Variants in STPG2 observed in about 807,000 individuals in gnomAD.
STPG2 encodes the protein sperm tail PG-rich repeat containing 2, also known as sperm-tail PG-rich repeat-containing protein 2.
STPG2 carries 56 observed loss-of-function variants against 54.2 expected under a neutral mutation model. The ratio of observed to expected loss-of-function variants is 1.03; its 90% CI spans 0.83 to 1.29. The LOEUF is 1.29. STPG2 is among the 50% of genes most tolerant of loss of function. The probability of loss-of-function intolerance (pLI) is 0.00; values close to 1 mark genes in which losing one functional copy is unlikely to be tolerated. For synonymous variants in STPG2, 200 were observed against 181.8 expected (o/e 1.10, Z -0.81); for missense variants, 596 against 544.9 (o/e 1.09, Z -0.93).
chr4:97,945,393 T>A (rs1359369771), intron 7 of STPG2, among the ~76,000 whole-genome samples: 2 of 152,190 alleles, frequency 1.3e-5, no homozygotes, highest in African/African-American at 4.8e-5. Context: ...TATTATGTTA[T>A]TCTTTTTTAT....
chr4:97,543,981 G>A (rs919541887), intron 4 of STPG2, among the ~76,000 whole-genome samples: 2 of 152,002 alleles, frequency 1.3e-5, no homozygotes, highest in Non-Finnish European at 2.9e-5. Context: ...CAAAAGGTAC[G>A]AATATTGAAA....
intron 9 of STPG2, among the ~76,000 whole-genome samples, chr4:97,721,860 C>A (rs1247373224): frequency 6.6e-6 from 1 of 151,914 alleles, no homozygotes; most frequent in Admixed American, 6.6e-5. Flanking sequence ...TTTAAACAAC[C>A]AATATCAAAA....
At chr4:97,483,137 CA>C (rs1730267071) in intron 4 of STPG2, among the ~76,000 whole-genome samples, 1 of 151,428 alleles carries the variant, frequency 6.6e-6, no homozygotes, top group African/African-American at 2.4e-5. Flanking sequence ...ACCTATAAAG[CA>C]AAAATACAAT....
At chr4:97,775,595 C>T (rs1726351816) in intron 9 of STPG2, among the ~76,000 whole-genome samples, 1 of 152,126 alleles carries the variant, frequency 6.6e-6, no homozygotes, top group Non-Finnish European at 1.5e-5. Context: ...GCAATGAAAG[C>T]ACAATGTGTC....
chr4:97,640,957 C>A (rs1014883379), intron 10 of STPG2, among the ~76,000 whole-genome samples: 6 of 151,334 alleles, frequency 4.0e-5, no homozygotes, highest in Non-Finnish European at 7.4e-5. Context: ...TTATGAGGAA[C>A]AAAAGAATAC....
At chr4:97,742,592 G>T (rs1725294683) in intron 9 of STPG2, among the ~76,000 whole-genome samples, 1 of 145,908 alleles carries the variant, frequency 6.9e-6, no homozygotes, top group Non-Finnish European at 1.5e-5. Context: ...ATACTATCAG[G>T]TCTTTAAAAA....
intron 9 of STPG2, among the ~76,000 whole-genome samples, chr4:97,768,278 T>C (rs1726120745): frequency 6.6e-6 from 1 of 152,118 alleles, no homozygotes; most frequent in Non-Finnish European, 1.5e-5. Context: ...TGGGTGGATA[T>C]TGTTAACTTA....
intron 5 of STPG2, among the ~76,000 whole-genome samples, chr4:98,051,299 T>A (rs783928): frequency 0.83 from 126,096 of 152,168 alleles, 52,484 homozygotes; most frequent in Middle Eastern, 0.94. Context: ...ATTTGCAAAA[T>A]TTTTTTCTAG....
intron 9 of STPG2, among the ~76,000 whole-genome samples, chr4:97,716,679 T>TCACA (rs1724298059): frequency 7.4e-6 from 1 of 134,476 alleles, no homozygotes; most frequent in African/African-American, 2.8e-5. Context: ...GAGGGGAACA[T>TCACA]CACACACTGG....
chr4:97,838,789 A>G (rs1353050040), intron 9 of STPG2, among the ~76,000 whole-genome samples: 1 of 151,598 alleles, frequency 6.6e-6, no homozygotes, highest in Non-Finnish European at 1.5e-5. Flanking sequence ...TTACTACAAT[A>G]TCTACATGTC....
At position 97,909,010 on chromosome 4, in the gene STPG2, T is replaced by TATAATAATA. The variant is rs56703020; in HGVS notation, c.1044+34878_1044+34886dup. 4.4e-3 allele frequency among the ~76,000 whole-genome samples: 625 copies of TATAATAATA among 143,192 alleles called. 2 individuals are homozygous for TATAATAATA. Among genetic ancestry groups the TATAATAATA allele is most frequent in the East Asian group, 0.016 (78 of 4,836 alleles). The allele number at this position is 143,192 out of a possible 152,430, so 93.9% of individuals were successfully genotyped here. On this transcript the variant is annotated intron_variant, in intron 8 of 10. Coordinates refer to ENST00000295268, the MANE Select transcript of STPG2 (RefSeq NM_174952.3). ...TGCACATGTACCCTAAAACTTAAAG[T>TATAATAATA]ATAATAATAATAATAATAATAATAA...
At chr4:97,852,774 C>A (rs1444706485) in intron 8 of STPG2, among the ~76,000 whole-genome samples, 1 of 151,852 alleles carries the variant, frequency 6.6e-6, no homozygotes, top group Non-Finnish European at 1.5e-5. Context: ...AGGTATGGAA[C>A]AAGAAGAAAG....
At chr4:97,457,579 T>C in intron 4 of STPG2, among the ~76,000 whole-genome samples, 1 of 152,340 alleles carries the variant, frequency 6.6e-6, no homozygotes. Flanking sequence ...ACTTCTGGTG[T>C]TGTGCTGCCC....
chr4:97,688,162 C>A (rs181501525), intron 10 of STPG2, among the ~76,000 whole-genome samples: 20 of 151,834 alleles, frequency 1.3e-4, no homozygotes, highest in African/African-American at 4.8e-4. Flanking sequence ...TGAAAATCTG[C>A]TTTTTTTAAT....
chr4:97,970,238 G>T (rs1336204323), intron 7 of STPG2, among the ~76,000 whole-genome samples: 1 of 152,124 alleles, frequency 6.6e-6, no homozygotes, highest in Non-Finnish European at 1.5e-5. Context: ...ACTGACCAAG[G>T]TAATTTATAG....
intron 10 of STPG2, among the ~76,000 whole-genome samples, chr4:97,603,731 C>A (rs949564522): frequency 6.6e-6 from 1 of 151,512 alleles, no homozygotes; most frequent in Non-Finnish European, 1.5e-5. Context: ...ATAAGTCAGT[C>A]ACAAAAAGGC....
chr4:97,915,846 A>G (rs1731853742), intron 8 of STPG2, among the ~76,000 whole-genome samples: 1 of 152,164 alleles, frequency 6.6e-6, no homozygotes, highest in Non-Finnish European at 1.5e-5. Context: ...GAGATGGGAC[A>G]TAGTCAGAGC....
In STPG2 at chr4:97,639,531, G is replaced by A. The variant is rs187363302; in HGVS notation, c.1320+73168C>T. Among the ~76,000 whole-genome samples the A allele has an allele frequency of 1.7e-3, 256 of 150,802 alleles. 3 individuals carry two copies. The highest frequency in any genetic ancestry group is 0.016 in the Admixed American group (246 of 15,142). ...AATTAAAAAAAAAAAACTGATTCACGTAAGAACTTCAAAAGTCTTAAGACA... is the reference window on the plus strand; with the variant it reads ...AATTAAAAAAAAAAAACTGATTCACATAAGAACTTCAAAAGTCTTAAGACA... On this transcript the variant is annotated intron_variant, in intron 10 of 10. Transcript: ENST00000295268.
At chr4:97,977,696 G>A (rs1578750269) in intron 6 of STPG2, among the ~76,000 whole-genome samples, 3 of 152,096 alleles carry the variant, frequency 2.0e-5, no homozygotes, top group South Asian at 4.2e-4. Context: ...AAAGCACCAG[G>A]GCTAGTCAAG....
Sources: allele counts gnomAD v4.1 joint callset (sites outside exome capture counted in the v4.1 genomes callset), GRCh38; gene constraint gnomAD v4.1.1; transcripts MANE v1.5; gene names NCBI Gene and HGNC (gene_info 2026-07-23, HGNC 2026-07-21).